PDE1A: variants seen among roughly 807,000 people sequenced by gnomAD.
PDE1A encodes dual specificity calcium/calmodulin-dependent 3',5'-cyclic nucleotide phosphodiesterase 1A.
A neutral mutation model predicts 61.7 loss-of-function variants in PDE1A; 35 were observed. The observed-to-expected ratio is 0.57, with a 90% confidence interval of 0.43 to 0.75. The LOEUF is 0.75. Ranked by LOEUF, PDE1A falls within the 30% of genes least tolerant of loss-of-function variation. The pLI is 0.00. For synonymous variants in PDE1A, 232 were observed against 213.2 expected (o/e 1.09, Z -0.77); for missense variants, 597 against 630.6 (o/e 0.95, Z 0.57).
the PDE1A span, among the ~76,000 whole-genome samples, chr2:182,560,746 G>T: frequency 1.3e-5 from 2 of 151,864 alleles, no homozygotes; most frequent in Non-Finnish European, 1.5e-5. Flanking sequence ...ACTTTTTAAT[G>T]ATTGCCATTC....
chr2:182,615,431 A>T, the PDE1A span, among the ~76,000 whole-genome samples: 1 of 152,218 alleles, frequency 6.6e-6, no homozygotes, highest in Non-Finnish European at 1.5e-5. Context: ...TTAAAATATT[A>T]TTGGGAAGAT....
intron 1 of PDE1A, among the ~76,000 whole-genome samples, chr2:182,362,999 G>A (rs1699600506): frequency 6.6e-6 from 1 of 151,894 alleles, no homozygotes; most frequent in Non-Finnish European, 1.5e-5. Context: ...CTCACAAGTG[G>A]GAGCTAAATG....
intron 1 of PDE1A, among the ~76,000 whole-genome samples, chr2:182,401,005 A>T (rs951586319): frequency 7.2e-5 from 11 of 152,158 alleles, no homozygotes; most frequent in African/African-American, 2.7e-4. Flanking sequence ...GTTTCATAAA[A>T]GTTCTGATTC....
the PDE1A span, among the ~76,000 whole-genome samples, chr2:182,700,725 A>AAAAAAAAAAAAAAAAAAAAC: frequency 7.1e-6 from 1 of 140,884 alleles, no homozygotes; most frequent in African/African-American, 2.6e-5. Flanking sequence ...CCATCTCAAA[A>AAAAAAAAAAAAAAAAAAAAC]AAAAAAAAAA....
chr2:182,626,752 T>TATATATAC, the PDE1A span, among the ~76,000 whole-genome samples: 797 of 21,580 alleles, frequency 0.037, 191 homozygotes, highest in Non-Finnish European at 0.062. Context: ...TATATACATA[T>TATATATAC]ATATATATAC....
chr2:182,650,995 T>TTTTTG, the PDE1A span, among the ~76,000 whole-genome samples: 36 of 152,024 alleles, frequency 2.4e-4, no homozygotes, highest in African/African-American at 5.5e-4. Flanking sequence ...GTTTTTTGGG[T>TTTTTG]TTTTGTTTTG....
chr2:182,366,396 A>G (rs2125212371), intron 1 of PDE1A, among the ~76,000 whole-genome samples: 1 of 152,200 alleles, frequency 6.6e-6, no homozygotes, highest in South Asian at 2.1e-4. Flanking sequence ...GAGCTGGATC[A>G]AAAATCACAT....
intron 1 of PDE1A, among the ~76,000 whole-genome samples, chr2:182,418,702 G>A (rs1278796045): frequency 2.0e-5 from 3 of 152,094 alleles, no homozygotes; most frequent in South Asian, 2.1e-4. Context: ...TTATGCCCTC[G>A]CACACCAACA....
At chr2:182,314,688 G>GA (rs1429333508) in intron 1 of PDE1A, 2 of 152,096 alleles carry the variant, frequency 1.3e-5, no homozygotes, top group African/African-American at 4.8e-5. Flanking sequence ...GGAGGCCAGA[G>GA]AAAAAACAAA....
the PDE1A span, among the ~76,000 whole-genome samples, chr2:182,617,508 A>G: frequency 1.3e-5 from 2 of 152,206 alleles, no homozygotes; most frequent in African/African-American, 4.8e-5. Flanking sequence ...GCTGAGTTCT[A>G]TGAACACTTC....
intron 7 of PDE1A, among the ~76,000 whole-genome samples, chr2:182,219,339 G>T (rs2125587410): frequency 6.6e-6 from 1 of 151,936 alleles, no homozygotes; most frequent in Non-Finnish European, 1.5e-5. Flanking sequence ...GATGAATTTG[G>T]TATTCTAACT....
At chr2:182,425,608 A>G (rs1703569481) in intron 1 of PDE1A, among the ~76,000 whole-genome samples, 1 of 152,210 alleles carries the variant, frequency 6.6e-6, no homozygotes, top group Admixed American at 6.5e-5. Context: ...AAAAATGGCC[A>G]CATTTTATAT....
chr2:182,365,205 C>T (rs1699768623), intron 1 of PDE1A, among the ~76,000 whole-genome samples: 1 of 152,008 alleles, frequency 6.6e-6, no homozygotes, highest in Non-Finnish European at 1.5e-5. Flanking sequence ...TTAGTAATTA[C>T]ACAGGGACAG....
chr2:182,543,858 G>T, the PDE1A span, among the ~76,000 whole-genome samples: 12 of 152,174 alleles, frequency 7.9e-5, no homozygotes, highest in African/African-American at 2.9e-4. Context: ...AAAACTATAT[G>T]GCAATTGAGC....
At chr2:182,409,060 G>A (rs955905060) in intron 1 of PDE1A, among the ~76,000 whole-genome samples, 1 of 152,152 alleles carries the variant, frequency 6.6e-6, no homozygotes, top group Non-Finnish European at 1.5e-5. Context: ...TTCCTGCTCC[G>A]AAACTCTCCA....
chr2:182,311,332 A>G (rs987891344), intron 1 of PDE1A, among the ~76,000 whole-genome samples: 33 of 152,218 alleles, frequency 2.2e-4, no homozygotes, highest in African/African-American at 8.0e-4. Flanking sequence ...GTGCATAAAT[A>G]TATTTTTTAA....
chr2:182,397,061 T>C (rs936395128), intron 1 of PDE1A, among the ~76,000 whole-genome samples: 20 of 152,182 alleles, frequency 1.3e-4, no homozygotes. Flanking sequence ...GTCATTTATC[T>C]CATAGGAAAT....
chr2:182,484,848 T>G (rs1334113496), intron 2 of PDE1A, among the ~76,000 whole-genome samples: 1 of 151,930 alleles, frequency 6.6e-6, no homozygotes. Context: ...TGGATACTAT[T>G]AAAACATCAA....
chr2:182,145,665 G>A (rs929911664), downstream of PDE1A, among the ~76,000 whole-genome samples: 3 of 152,040 alleles, frequency 2.0e-5, no homozygotes, highest in Non-Finnish European at 4.4e-5. Context: ...GGAGGCAGAG[G>A]TTGCAGTGAG....
Sources: allele counts gnomAD v4.1 joint callset (sites outside exome capture counted in the v4.1 genomes callset), GRCh38; gene constraint gnomAD v4.1.1; transcripts MANE v1.5; gene names NCBI Gene and HGNC (gene_info 2026-07-23, HGNC 2026-07-21).